Variants in RPL5 observed in about 807,000 individuals in gnomAD.
RPL5 encodes the protein large ribosomal subunit protein uL18.
In RPL5, 1 loss-of-function variant was observed where a neutral mutation model predicts 38.4. That is an observed-to-expected ratio of 0.03 (90% CI 0.01 to 0.12). The LOEUF (loss-of-function observed/expected upper bound fraction) is 0.12, where lower values mean the gene tolerates loss of function less well. RPL5 is among the 10% of genes least tolerant of loss of function. RPL5 has a pLI of 1.00. For missense variants in RPL5, 243 were observed against 374.1 expected (o/e 0.65, Z 2.89); for synonymous variants, 109 against 121.2 (o/e 0.90, Z 0.66).
At chr1:92,840,697 G>A in intron 7 of RPL5, 58 bp downstream of exon 7, 2 of 1,222,004 alleles carry the variant, frequency 1.6e-6, no homozygotes, top group East Asian at 2.3e-5. Context: ...GTTCCCACGT[G>A]GGGCAGACTG....
intron 7 of RPL5, chr1:92,840,991 A>G: frequency 5.1e-6 from 2 of 394,002 alleles, no homozygotes; most frequent in South Asian, 2.0e-5. Context: ...CACAAATACA[A>G]TGTATAGTAA....
In RPL5 at chr1:92,832,682, A is replaced by T. The variant is rs148293748; in HGVS notation, c.3+565A>T. ...CCTGGGCCCCGGAAGCTCCTTTAAC[A>T]TGGAATACGTGCCTCCTGCCTCTTC... On this transcript the variant is annotated intron_variant, in intron 1 of 7. Coordinates refer to ENST00000370321, the MANE Select transcript of RPL5 (RefSeq NM_000969.5). 407 of 357,150 alleles carry T rather than the reference A, an allele frequency of 1.1e-3. 2 individuals carry two copies. The highest frequency in any genetic ancestry group is 7.7e-3 in the African/African-American group (371 of 48,090). The allele number at this position is 357,150 out of a possible 1,614,324, so 22.1% of individuals were successfully genotyped here. A position where few individuals can be genotyped will look rare whatever the true frequency, so the allele number is the denominator to read the frequency against.
In RPL5 at chr1:92,834,885, A is replaced by G. The variant is rs1251824626; in HGVS notation, c.296A>G (p.Tyr99Cys). 2 of 1,603,458 alleles carry G rather than the reference A, an allele frequency of 1.2e-6. No individual in the cohort carries two copies. Among genetic ancestry groups the G allele is most frequent in the Non-Finnish European group, 1.7e-6 (2 of 1,179,988 alleles). ...GGCCTGACAAATTATGCTGCAGCAT[A>G]TTGTACTGGCCTGCTGCTGGCCCGC... ...KVGLTNYAAA[Y>C]CTGLLLARRL... The change falls in exon 4 of 8, where the codon TAT becomes TGT. Residue 99 changes from tyrosine (Y) to cysteine (C), a missense_variant. Coordinates refer to ENST00000370321, the MANE Select transcript of RPL5 (RefSeq NM_000969.5).
chr1:92,833,063 G>C (rs1294212494), intron 1 of RPL5: 4 of 727,906 alleles, frequency 5.5e-6, no homozygotes, highest in Non-Finnish European at 1.0e-5. Context: ...GAAATTGAAA[G>C]CGTTTAAAAC....
chr1:92,841,051 GCAA>G (rs1299445385), intron 7 of RPL5, among the ~76,000 whole-genome samples: 10 of 152,120 alleles, frequency 6.6e-5, no homozygotes, highest in African/African-American at 1.4e-4. Flanking sequence ...ACACTTTGTG[GCAA>G]CAACATTTGA....
Position 92,833,668 on chromosome 1 carries a change from G to A in RPL5, c.189+8G>A. On this transcript the variant is annotated splice_region_variant and intron_variant, in intron 3 of 7. Coordinates refer to ENST00000370321, the MANE Select transcript of RPL5 (RefSeq NM_000969.5). The stretch of plus-strand genomic sequence containing the variant: ...AGAGATATCATTTGTCAGGTAAGTT[G>A]TATTCTAGACAGTCCCCTTTTTTTA... 6.2e-7 allele frequency: 1 copy of A among 1,601,692 alleles called. No individual in the cohort carries two copies. Among genetic ancestry groups the A allele is most frequent in the Admixed American group, 1.7e-5 (1 of 59,994 alleles).
intron 6 of RPL5, 39 bp from the exon 7 acceptor site, chr1:92,840,512 G>T: frequency 6.8e-7 from 1 of 1,475,410 alleles, no homozygotes; most frequent in South Asian, 1.1e-5. Flanking sequence ...TAGGGCACAT[G>T]AAATGAAACC....
chr1:92,832,027 C>A (rs1427270389), upstream of RPL5: 4 of 1,588,766 alleles, frequency 2.5e-6, no homozygotes, highest in Non-Finnish European at 3.4e-6. Flanking sequence ...TGCGCCTGCG[C>A]AAGGGCTGTG....
At position 92,832,715 on chromosome 1, in the gene RPL5, G is replaced by A. The variant is rs1435338625; in HGVS notation, c.3+598G>A. On this transcript the variant is annotated intron_variant, in intron 1 of 7. Coordinates refer to ENST00000370321, the MANE Select transcript of RPL5 (RefSeq NM_000969.5). ...CGTGCCTCCTGCCTCTTCCTCTAGA[G>A]TCCGTCGCCGGATGAGTTTTTAATT... 7.3e-6 allele frequency: 3 copies of A among 411,240 alleles called. No homozygotes were observed. In the Admixed American group the frequency reaches 1.2e-4, roughly 17 times the overall value. 25.5% of individuals were successfully genotyped at this position (411,240 alleles called of 1,614,324 possible). A position where few individuals can be genotyped will look rare whatever the true frequency, so the allele number is the denominator to read the frequency against.
chr1:92,833,676 G>C lies in RPL5; in HGVS notation c.189+16G>C, dbSNP rs745785928. 1 of 1,588,582 alleles carries C rather than the reference G, an allele frequency of 6.3e-7. No individual in the cohort carries two copies. Among genetic ancestry groups the C allele is most frequent in the Non-Finnish European group, 8.6e-7 (1 of 1,158,784 alleles). On this transcript the variant is annotated intron_variant, in intron 3 of 7. Coordinates refer to ENST00000370321, the MANE Select transcript of RPL5 (RefSeq NM_000969.5). ...CATTTGTCAGGTAAGTTGTATTCTAGACAGTCCCCTTTTTTTATTGCTAGA... is the reference window on the plus strand; with the variant it reads ...CATTTGTCAGGTAAGTTGTATTCTACACAGTCCCCTTTTTTTATTGCTAGA...
Position 92,834,890 on chromosome 1 carries a change from A to T in RPL5, c.301A>T (p.Thr101Ser). Residue 101 changes from threonine (T) to serine (S), a missense_variant, in exon 4 of 8, where the codon ACT becomes TCT. Thr to Ser is a moderately conservative substitution (Grantham distance 58). Transcript: ENST00000370321. ...GACAAATTATGCTGCAGCATATTGT[A>T]CTGGCCTGCTGCTGGCCCGCAGGGT... ...GLTNYAAAYC[T>S]GLLLARRLLN... The T allele has an allele frequency of 6.2e-7, 1 of 1,602,832 alleles. No homozygotes were observed. The highest frequency in any genetic ancestry group is 8.5e-7 in the Non-Finnish European group (1 of 1,179,982).
At chr1:92,837,398 C>A in intron 5 of RPL5, 58 bp from the exon 6 acceptor site, 1 of 1,453,750 alleles carries the variant, frequency 6.9e-7, no homozygotes, top group Non-Finnish European at 9.7e-7. Context: ...AAAGTAAATT[C>A]TTACTAGTAA....
intron 5 of RPL5, 65 bp downstream of exon 5, chr1:92,836,457 A>G (rs2100685432): frequency 7.0e-7 from 1 of 1,438,306 alleles, no homozygotes; most frequent in Non-Finnish European, 9.8e-7. Context: ...AACTAGTTGG[A>G]CTGTGGAGAT....
In RPL5 at chr1:92,838,633, C is replaced by A. The variant is rs3790444; in HGVS notation, c.705+1000C>A. On this transcript the variant is annotated intron_variant, in intron 6 of 7. Coordinates refer to ENST00000370321, the MANE Select transcript of RPL5 (RefSeq NM_000969.5). ...TATCCTCCTGTGTGCCTGCTGAAATCCTGTGCAGACATCTGATGTGTCTCC... is the reference window on the plus strand; with the variant it reads ...TATCCTCCTGTGTGCCTGCTGAAATACTGTGCAGACATCTGATGTGTCTCC... 7.2e-5 allele frequency among the ~76,000 whole-genome samples: 11 copies of A among 152,312 alleles called. No individual in the cohort carries two copies. In the East Asian group the frequency reaches 2.1e-3, roughly 29 times the overall value.
intron 5 of RPL5, chr1:92,836,654 G>T: frequency 2.1e-6 from 1 of 465,912 alleles, no homozygotes; most frequent in East Asian, 4.3e-5. Flanking sequence ...ACTACCTTTT[G>T]CATATGACTT....
At chr1:92,841,065 AATTT>A (rs1348723876) in intron 7 of RPL5, among the ~76,000 whole-genome samples, 2 of 152,236 alleles carry the variant, frequency 1.3e-5, no homozygotes, top group Non-Finnish European at 2.9e-5. Flanking sequence ...CAACATTTGA[AATTT>A]ATTCTCTTAA....
chr1:92,836,326 C>T lies in RPL5; in HGVS notation c.461C>T (p.Thr154Ile). 1.2e-6 allele frequency: 2 copies of T among 1,614,140 alleles called. No homozygotes were observed. Among genetic ancestry groups the T allele is most frequent in the Non-Finnish European group, 1.7e-6 (2 of 1,180,002 alleles). ...TTGGATGCAGGCCTTGCCAGAACTA[C>T]CACTGGCAATAAAGTTTTTGGTGCC... is the stretch of plus-strand genomic sequence containing the variant. ...CYLDAGLART[T>I]TGNKVFGALK... The change falls in exon 5 of 8, where the codon ACC becomes ATC. Residue 154 changes from threonine to isoleucine, a missense_variant. Physicochemically the swap from Thr to Ile is moderately conservative, Grantham distance 89. Transcript: ENST00000370321.
chr1:92,833,360 A>G (rs186600450), intron 1 of RPL5, 29 bp from the exon 2 acceptor site: 2 of 1,558,956 alleles, frequency 1.3e-6, no homozygotes, highest in African/African-American at 2.7e-5. Context: ...AAGACATCAA[A>G]GTTTTAATAA....
chr1:92,834,654 C>A, intron 3 of RPL5, 125 bp from the exon 4 acceptor site: 1 of 1,310,872 alleles, frequency 7.6e-7, no homozygotes. Context: ...AGCTAAGAGT[C>A]TTAAGCATTT....
Sources: gnomAD v4.1 joint callset for allele counts (sites outside exome capture counted in the v4.1 genomes callset) on GRCh38, gnomAD v4.1.1 for gene constraint, MANE v1.5 for transcripts, NCBI Gene and HGNC (gene_info 2026-07-23, HGNC 2026-07-21) for gene names.